The following LAP3 variants were observed in gnomAD, a reference collection of about 807,000 sequenced individuals.
LAP3 encodes the protein leucine aminopeptidase 3.
Under a neutral mutation model 58.8 loss-of-function variants are expected in LAP3, and 46 were observed. That is an observed-to-expected ratio of 0.78 (90% CI 0.62 to 1.00). LAP3 has a LOEUF of 1.00. LAP3 is among the 50% of genes least tolerant of loss of function. LAP3 has a pLI of 0.00. For missense variants in LAP3, 615 were observed against 659.1 expected, an observed-to-expected ratio of 0.93 and a Z score of 0.73; for synonymous variants, 257 against 237.7, an observed-to-expected ratio of 1.08 and a Z score of -0.75.
chr4:17,577,604 G>A lies in LAP3; in HGVS notation c.102+37G>A, dbSNP rs1713243308. The A allele has an allele frequency of 2.0e-6, 3 of 1,484,346 alleles. No individual in the cohort carries two copies. In the South Asian group the frequency reaches 3.7e-5, roughly 18 times the overall value. The allele number at this position is 1,484,346 out of a possible 1,614,324, so 91.9% of individuals were successfully genotyped here. On this transcript the variant is annotated intron_variant, in intron 1 of 12. Coordinates refer to ENST00000226299, the MANE Select transcript of LAP3 (RefSeq NM_015907.3). The stretch of plus-strand genomic sequence containing the variant: ...CGGCTCGCTCATGGTCCGCCGCTGG[G>A]GCCCTGCCCGTGGGCTACTGGGGCT...
At chr4:17,585,331 G>C in intron 6 of LAP3, 195 bp downstream of exon 6, 1 of 526,936 alleles carries the variant, frequency 1.9e-6, no homozygotes, top group Non-Finnish European at 3.4e-6. Context: ...CTTTGAGAGA[G>C]AGAGTGCCAT....
chr4:17,580,967 A>AT (rs906450284), intron 2 of LAP3, among the ~76,000 whole-genome samples: 12 of 152,170 alleles, frequency 7.9e-5, no homozygotes, highest in Non-Finnish European at 1.5e-4. Flanking sequence ...TCTCCTCTCA[A>AT]TTTTTTATCA....
At chr4:17,589,061 T>TG in intron 7 of LAP3, 84 bp downstream of exon 7, 1 of 1,415,048 alleles carries the variant, frequency 7.1e-7, no homozygotes, top group Non-Finnish European at 9.4e-7. Context: ...TTTTTTGGTT[T>TG]GATTTTTTTT....
At chr4:17,588,382 C>T (rs1193622919) in intron 6 of LAP3, among the ~76,000 whole-genome samples, 1 of 152,118 alleles carries the variant, frequency 6.6e-6, no homozygotes, top group Non-Finnish European at 1.5e-5. Flanking sequence ...TGAGCTGAAG[C>T]AATTCTCTCA....
intron 10 of LAP3, 98 bp from the exon 11 acceptor site, chr4:17,604,490 C>T: frequency 1.3e-6 from 1 of 743,886 alleles, no homozygotes; most frequent in South Asian, 1.6e-5. Context: ...ATGAGGAAGC[C>T]ATTAAATAGG....
At chr4:17,600,427 A>C (rs1434600002) in intron 10 of LAP3, among the ~76,000 whole-genome samples, 7 of 152,088 alleles carry the variant, frequency 4.6e-5, no homozygotes, top group African/African-American at 1.7e-4. Flanking sequence ...TGGGGGAGGC[A>C]CTGGCAGTGA....
intron 11 of LAP3, among the ~76,000 whole-genome samples, chr4:17,605,923 A>G (rs144375726): frequency 7.9e-5 from 12 of 152,306 alleles, no homozygotes; most frequent in African/African-American, 2.6e-4. Flanking sequence ...GTATTTACTT[A>G]TGTCTTAAAA....
Position 17,577,337 on chromosome 4 carries a change from C to T in LAP3, c.-129C>T. ...CCGTCCCGCCCCCTAGACGCACGTC[C>T]GCTCGCCCGGCGCCCGAGCCAGTCC... is the stretch of plus-strand genomic sequence containing the variant. On this transcript the variant is annotated 5_prime_UTR_variant, in exon 1 of 13. Transcript: ENST00000226299. 2.4e-6 allele frequency: 1 copy of T among 423,050 alleles called. No individual in the cohort carries two copies. The allele number at this position is 423,050 out of a possible 1,614,324, so 26.2% of individuals were successfully genotyped here.
chr4:17,577,603 G>C, intron 1 of LAP3, 36 bp downstream of exon 1: 1 of 1,486,606 alleles, frequency 6.7e-7, no homozygotes, highest in South Asian at 1.2e-5. Flanking sequence ...TCCGCCGCTG[G>C]GGCCCTGCCC....
chr4:17,584,855 T>C, intron 5 of LAP3, 117 bp from the exon 6 acceptor site: 1 of 1,001,768 alleles, frequency 1.0e-6, no homozygotes, highest in Non-Finnish European at 1.4e-6. Flanking sequence ...GTGCCAATTG[T>C]TTTTGATTTG....
rs762124260 is a variant in LAP3 at position 17,607,479 on chromosome 4, G to A, written c.1450G>A (p.Gly484Ser). The A allele has an allele frequency of 1.2e-6, 2 of 1,614,112 alleles. No individual in the cohort carries two copies. Among genetic ancestry groups the A allele is most frequent in the Non-Finnish European group, 1.7e-6 (2 of 1,180,020 alleles). Residue 484 changes from glycine to serine, a missense_variant, in exon 13 of 13, where the codon GGC becomes AGC. Coordinates refer to ENST00000226299, the MANE Select transcript of LAP3 (RefSeq NM_015907.3). ...TAAGTGGGCACATTTAGACATAGCA[G>A]GCGTGATGACCAACAAAGATGAAGT... ...HPKWAHLDIA[G>S]VMTNKDEVPY...
At position 17,597,800 on chromosome 4, in the gene LAP3, G is replaced by A. The variant is rs540270436; in HGVS notation, c.1078-656G>A. ...TTTTTCCATTGTAGGTGTTGAGGTA[G>A]AACATACTGTCCTACATCATGGGCC... On this transcript the variant is annotated intron_variant, in intron 9 of 12. Coordinates refer to ENST00000226299, the MANE Select transcript of LAP3 (RefSeq NM_015907.3). Among the ~76,000 whole-genome samples, 212 of 152,298 alleles carry A rather than the reference G, an allele frequency of 1.4e-3. 1 individual carries two copies. In the Middle Eastern group the frequency reaches 0.024, roughly 17 times the overall value.
rs1491369617 is a variant in LAP3 at position 17,589,062 on chromosome 4, GAT to G, written c.863+86_863+87del. ...ACTTGGTTATAGGGTTTTTTGGTTT[GAT>G]TTTTTTTTTTTTTTGAGGCAGAGTC... On this transcript the variant is annotated intron_variant, in intron 7 of 12. Coordinates refer to ENST00000226299, the MANE Select transcript of LAP3 (RefSeq NM_015907.3). The G allele has an allele frequency of 4.4e-6, 6 of 1,376,718 alleles. No homozygotes were observed. In the African/African-American group the frequency reaches 6.2e-5, roughly 14 times the overall value. 85.3% of individuals were successfully genotyped at this position (1,376,718 alleles called of 1,614,324 possible).
intron 11 of LAP3, 78 bp from the exon 12 acceptor site, chr4:17,606,751 T>C (rs576903533): frequency 2.5e-6 from 2 of 813,822 alleles, no homozygotes; most frequent in Admixed American, 2.3e-5. Context: ...TCTTCCTTCA[T>C]GCATTGAGCA....
chr4:17,585,036 T>G lies in LAP3; in HGVS notation c.604T>G (p.Leu202Val), dbSNP rs1357451727. The change falls in exon 6 of 13, where the codon TTG becomes GTG. Residue 202 changes from leucine to valine, a missense_variant. Coordinates refer to ENST00000226299, the MANE Select transcript of LAP3 (RefSeq NM_015907.3). ...TTCTGGGCAGAACTTGGCACGCCAA[T>G]TGATGGAGACGCCAGCCAATGAGAT... ...FASGQNLARQ[L>V]METPANEMTP... is the part of the protein sequence containing the mutation. 1 of 1,614,114 alleles carries G rather than the reference T, an allele frequency of 6.2e-7. No individual in the cohort carries two copies. The highest frequency in any genetic ancestry group is 8.5e-7 in the Non-Finnish European group (1 of 1,179,992).
At chr4:17,605,143 CACA>C (rs757287388) in intron 11 of LAP3, among the ~76,000 whole-genome samples, 1 of 151,992 alleles carries the variant, frequency 6.6e-6, no homozygotes, top group East Asian at 1.9e-4. Context: ...CACACACACA[CACA>C]CACCCTCACT....
In LAP3 at chr4:17,607,502, A is replaced by G. The variant is rs62641702; in HGVS notation, c.1473A>G (p.Glu491=). The G allele has an allele frequency of 7.7e-3, 12,488 of 1,614,082 alleles. 516 individuals carry two copies. In the African/African-American group the frequency reaches 0.1, roughly 14 times the overall value. ...CAGGCGTGATGACCAACAAAGATGA[A>G]GTTCCCTATCTACGGAAAGGCATGA... is the stretch of plus-strand genomic sequence containing the variant. ...DIAGVMTNKD[E]VPYLRKGMTG... is the part of the protein sequence containing the mutation. Residue 491 remains glutamate, a synonymous_variant, in exon 13 of 13, where the codon GAA becomes GAG. Coordinates refer to ENST00000226299, the MANE Select transcript of LAP3 (RefSeq NM_015907.3).
In LAP3 at chr4:17,606,939, GT is replaced by G; in HGVS notation, c.1370+2del. ...ATGTTAACAACATTGGAAAATACAG[GT>G]ATGTAAGCTAAGCTAAATGTACATT... On this transcript the variant is annotated splice_donor_variant, in intron 12 of 12. Coordinates refer to ENST00000226299, the MANE Select transcript of LAP3 (RefSeq NM_015907.3). LOFTEE classifies it high-confidence loss of function. The G allele has an allele frequency of 6.4e-7, 1 of 1,572,322 alleles. No individual in the cohort carries two copies. The highest frequency in any genetic ancestry group is 2.2e-5 in the East Asian group (1 of 44,608).
intron 1 of LAP3, among the ~76,000 whole-genome samples, chr4:17,578,384 C>G (rs1713268337): frequency 6.6e-6 from 1 of 152,158 alleles, no homozygotes; most frequent in South Asian, 2.1e-4. Flanking sequence ...GGGGAGTGAA[C>G]AATCTTAGGG....
Sources: gnomAD v4.1 joint callset for allele counts (sites outside exome capture counted in the v4.1 genomes callset) on GRCh38, gnomAD v4.1.1 for gene constraint, MANE v1.5 for transcripts, NCBI Gene and HGNC (gene_info 2026-07-23, HGNC 2026-07-21) for gene names.